Variants in IGF1R observed in about 807,000 individuals in gnomAD.
IGF1R encodes the protein insulin like growth factor 1 receptor.
A neutral mutation model predicts 144.6 loss-of-function variants in IGF1R; 44 were observed. The ratio of observed to expected loss-of-function variants is 0.30; its 90% CI spans 0.24 to 0.39. IGF1R has a LOEUF of 0.39. Ranked by LOEUF, IGF1R falls within the 10% of genes least tolerant of loss-of-function variation. IGF1R has a pLI of 1.00. For missense variants in IGF1R, 1,355 were observed against 1,833.7 expected (o/e 0.74, Z 4.77); for synonymous variants, 795 against 722.8 (o/e 1.10, Z -1.60).
intron 1 of IGF1R, among the ~76,000 whole-genome samples, chr15:98,706,755 A>G (rs890217594): frequency 3.3e-5 from 5 of 151,984 alleles, no homozygotes; most frequent in African/African-American, 1.2e-4. Flanking sequence ...ATTTATAGAG[A>G]GTGGATAATT....
chr15:98,900,082 C>T (rs929285940), intron 5 of IGF1R, among the ~76,000 whole-genome samples: 8 of 152,140 alleles, frequency 5.3e-5, no homozygotes, highest in African/African-American at 1.9e-4. Flanking sequence ...ATGGGCGGTT[C>T]GTTTTGTTAG....
intron 2 of IGF1R, among the ~76,000 whole-genome samples, chr15:98,837,512 G>A (rs1008248527): frequency 6.6e-6 from 1 of 152,120 alleles, no homozygotes. Context: ...TTACAGGCAT[G>A]AGCTACCATG....
At chr15:98,744,118 A>T (rs1039724145) in intron 2 of IGF1R, among the ~76,000 whole-genome samples, 4 of 151,972 alleles carry the variant, frequency 2.6e-5, no homozygotes, top group Admixed American at 1.3e-4. Flanking sequence ...GACTTGGTTT[A>T]GGTGGTCCTG....
intron 2 of IGF1R, among the ~76,000 whole-genome samples, chr15:98,739,577 A>G (rs912454871): frequency 1.3e-5 from 2 of 151,544 alleles, no homozygotes; most frequent in African/African-American, 4.9e-5. Context: ...TGAAAGTAGA[A>G]AATAGCCTGT....
At chr15:98,920,973 T>C (rs145024350) in intron 10 of IGF1R, among the ~76,000 whole-genome samples, 90 of 152,310 alleles carry the variant, frequency 5.9e-4, no homozygotes, top group Middle Eastern at 6.8e-3. Context: ...GCTGTTCCGT[T>C]CCCTGCGTGA....
chr15:98,876,662 A>G (rs2013076959), intron 2 of IGF1R, among the ~76,000 whole-genome samples: 1 of 152,210 alleles, frequency 6.6e-6, no homozygotes, highest in South Asian at 2.1e-4. Context: ...ATAGTTTTAC[A>G]TTTGTATGTT....
chr15:98,672,382 C>T (rs116824963), intron 1 of IGF1R, among the ~76,000 whole-genome samples: 2,640 of 151,998 alleles, frequency 0.017, 93 homozygotes, highest in African/African-American at 0.059. Context: ...CTGGCGAGCA[C>T]GGCGAAACCC....
intron 2 of IGF1R, among the ~76,000 whole-genome samples, chr15:98,759,168 G>T (rs796787690): frequency 2.6e-5 from 4 of 152,244 alleles, no homozygotes; most frequent in African/African-American, 9.6e-5. Flanking sequence ...CAGGGGCAGG[G>T]GGCACTTCTT....
chr15:98,893,797 A>G (rs528548338), intron 3 of IGF1R, among the ~76,000 whole-genome samples: 2 of 152,306 alleles, frequency 1.3e-5, no homozygotes, highest in East Asian at 3.9e-4. Flanking sequence ...TCCCCTATTC[A>G]TTCTTACAGT....
At chr15:98,823,626 G>A (rs2056840408) in intron 2 of IGF1R, among the ~76,000 whole-genome samples, 1 of 152,206 alleles carries the variant, frequency 6.6e-6, no homozygotes, top group Admixed American at 6.5e-5. Flanking sequence ...TCCAGTTGAA[G>A]TTGTGAGCTG....
At chr15:98,740,544 G>T (rs553570582) in intron 2 of IGF1R, among the ~76,000 whole-genome samples, 2 of 152,208 alleles carry the variant, frequency 1.3e-5, no homozygotes, top group Non-Finnish European at 2.9e-5. Context: ...GGTTAGTTAC[G>T]TGTGATACAA....
At chr15:98,651,087 T>C (rs2052352514) in intron 1 of IGF1R, 1 of 984,406 alleles carries the variant, frequency 1.0e-6, no homozygotes, top group African/African-American at 1.8e-5. Flanking sequence ...TGTTGGTGAG[T>C]AATGGTTGCC....
chr15:98,684,056 C>G (rs4299134), intron 1 of IGF1R, among the ~76,000 whole-genome samples: 1 of 152,050 alleles, frequency 6.6e-6, no homozygotes, highest in Admixed American at 6.5e-5. Context: ...GCCTCAGTCC[C>G]TCCCTCAGCC....
chr15:98,844,517 C>T (rs942234445), intron 2 of IGF1R, among the ~76,000 whole-genome samples: 6 of 152,014 alleles, frequency 3.9e-5, no homozygotes, highest in African/African-American at 7.2e-5. Flanking sequence ...ATCTAGGAGG[C>T]ATGTCTACTT....
intron 2 of IGF1R, among the ~76,000 whole-genome samples, chr15:98,753,134 A>T (rs1596269045): frequency 6.6e-6 from 1 of 151,792 alleles, no homozygotes; most frequent in African/African-American, 2.4e-5. Flanking sequence ...GGGTTTCACC[A>T]TGTTAGCCAG....
At chr15:98,705,467 C>G (rs1194438993) in intron 1 of IGF1R, among the ~76,000 whole-genome samples, 3 of 152,160 alleles carry the variant, frequency 2.0e-5, no homozygotes, top group African/African-American at 7.2e-5. Context: ...TTGACTTCCC[C>G]AAATCTGTTT....
At chr15:98,764,070 G>C (rs1277438514) in intron 2 of IGF1R, among the ~76,000 whole-genome samples, 1 of 152,214 alleles carries the variant, frequency 6.6e-6, no homozygotes, top group South Asian at 2.1e-4. Flanking sequence ...ATTTGTTCTT[G>C]TGAGGGCTGT....
At chr15:98,820,026 A>G (rs2056772785) in intron 2 of IGF1R, among the ~76,000 whole-genome samples, 1 of 152,296 alleles carries the variant, frequency 6.6e-6, no homozygotes, top group Non-Finnish European at 1.5e-5. Context: ...ACCCCCTGAA[A>G]AAGCTGCAGA....
intron 2 of IGF1R, among the ~76,000 whole-genome samples, chr15:98,818,398 ACAGT>A (rs2056738558): frequency 2.0e-5 from 3 of 152,172 alleles, no homozygotes; most frequent in African/African-American, 7.2e-5. Flanking sequence ...GATTTCTACA[ACAGT>A]CAGTCTAGCT....
Sources: allele counts gnomAD v4.1 joint callset (sites outside exome capture counted in the v4.1 genomes callset), GRCh38; gene constraint gnomAD v4.1.1; transcripts MANE v1.5; gene names NCBI Gene and HGNC (gene_info 2026-07-23, HGNC 2026-07-21).